EPN1: variants seen among roughly 807,000 people sequenced by gnomAD.
The protein encoded by EPN1 is epsin 1.
Under a neutral mutation model 56.9 loss-of-function variants are expected in EPN1, and 25 were observed. The observed-to-expected ratio is 0.44, with a 90% CI of 0.32 to 0.61. EPN1 has a LOEUF of 0.61. Ranked by LOEUF, EPN1 falls within the 20% of genes least tolerant of loss-of-function variation. The probability of loss-of-function intolerance (pLI) is 0.05; values close to 1 mark genes in which losing one functional copy is unlikely to be tolerated. For missense variants in EPN1, 785 were observed against 823.7 expected (o/e 0.95, Z 0.58); for synonymous variants, 411 against 361.8 (o/e 1.14, Z -1.54).
rs1175297532 is a variant in EPN1, at chr19:55,697,762, G to A, written c.*2406G>A. ...GAGCTGCTGTGTAGGAGTCCCCCAT[G>A]AGGCCCAAGCACCTGAGCTTAGTGA... On this transcript the variant is annotated 3_prime_UTR_variant, in exon 11 of 11. Coordinates refer to ENST00000270460, the MANE Select transcript of EPN1 (RefSeq NM_001130072.2). 1 of 152,152 alleles carries A rather than the reference G, an allele frequency of 6.6e-6. No homozygotes were observed. The highest frequency in any genetic ancestry group is 6.5e-5 in the Admixed American group (1 of 15,286). 9.4% of individuals were successfully genotyped at this position (152,152 alleles called of 1,614,324 possible).
At chr19:55,686,187 C>T (rs1986156368) in intron 3 of EPN1, among the ~76,000 whole-genome samples, 1 of 152,200 alleles carries the variant, frequency 6.6e-6, no homozygotes, top group Non-Finnish European at 1.5e-5. Flanking sequence ...GAAAACAAAA[C>T]TTGAAATAGT....
chr19:55,691,927 C>T lies in EPN1; in HGVS notation c.936C>T (p.Ala312=). ...CTGCTGATCCCTGGGGAGGTCCAGC[C>T]CCCACGCCGGCCTCTGGGGACCCCT... The part of the protein sequence containing the change: ...PPAADPWGGP[A]PTPASGDPWR... Residue 312 remains alanine (A), a synonymous_variant, in exon 7 of 11, where the codon GCC becomes GCT. Transcript: ENST00000270460. The surrounding 1 kb of genome is among the most constrained non-coding windows in gnomAD (Gnocchi z 5.6). 1 of 1,558,008 alleles carries T rather than the reference C, an allele frequency of 6.4e-7. No individual in the cohort carries two copies. The highest frequency in any genetic ancestry group is 8.7e-7 in the Non-Finnish European group (1 of 1,153,170).
intron 3 of EPN1, among the ~76,000 whole-genome samples, chr19:55,686,615 C>T (rs764665302): frequency 2.0e-5 from 3 of 152,028 alleles, no homozygotes; most frequent in Non-Finnish European, 4.4e-5. Context: ...CACGGGGAGA[C>T]ATGGGTGTGA....
At chr19:55,686,143 G>A (rs536434948) in intron 3 of EPN1, among the ~76,000 whole-genome samples, 1 of 152,360 alleles carries the variant, frequency 6.6e-6, no homozygotes, top group South Asian at 2.1e-4. Context: ...TTCTGGAGGT[G>A]GAGGACTCAG....
chr19:55,691,898 C>T lies in EPN1; in HGVS notation c.907C>T (p.Pro303Ser), dbSNP rs780630746. Residue 303 changes from proline to serine, a missense_variant, in exon 7 of 11, where the codon CCA becomes TCA. Transcript: ENST00000270460. This position sits in a 1 kb window ranked among gnomAD's most constrained non-coding sequence, Gnocchi z 5.6. The stretch of plus-strand genomic sequence containing the variant: ...CCCCTGGGGCGGCCCCCCTGTCCCT[C>T]CAGCTGCTGATCCCTGGGGAGGTCC... The part of the protein sequence containing the change: ...SDPWGGPPVP[P>S]AADPWGGPAP... The T allele has an allele frequency of 4.4e-6, 7 of 1,598,314 alleles. No individual in the cohort carries two copies. The highest frequency in any genetic ancestry group is 1.7e-5 in the Admixed American group (1 of 58,556).
rs1985587066 is a variant in EPN1, at chr19:55,678,513, T to A, written c.-101-14T>A. On this transcript the variant is annotated splice_polypyrimidine_tract_variant and intron_variant, in intron 1 of 10. Coordinates refer to ENST00000270460, the MANE Select transcript of EPN1 (RefSeq NM_001130072.2). ...GTCCCATTTGTGTTTCCAGAGGTCC[T>A]CTTCCCCTCGCAGATGCGGTGACCT... is the stretch of plus-strand genomic sequence containing the variant. 6.5e-7 allele frequency: 1 copy of A among 1,534,616 alleles called. No individual in the cohort carries two copies.
chr19:55,685,977 T>C (rs1322671917), intron 3 of EPN1, among the ~76,000 whole-genome samples: 1 of 152,166 alleles, frequency 6.6e-6, no homozygotes, highest in East Asian at 1.9e-4. Flanking sequence ...ACACGCACAG[T>C]GACCCCCGAG....
At chr19:55,676,450 A>G (rs764291520) in intron 1 of EPN1, among the ~76,000 whole-genome samples, 2 of 152,226 alleles carry the variant, frequency 1.3e-5, no homozygotes, top group African/African-American at 2.4e-5. Flanking sequence ...TGCACGCCAA[A>G]TAAGTACAGA....
rs7247619 is a variant in EPN1 at position 55,705,574 on chromosome 19, G to A, written c.*10218G>A. On this transcript the variant is annotated 3_prime_UTR_variant, in exon 11 of 11. Coordinates refer to ENST00000270460, the MANE Select transcript of EPN1 (RefSeq NM_001130072.2). ...TGAGATGGGAGAATCGTTTGAGCCC[G>A]GGAGGTGGAGGTTGCAGTGAGCCGA... is the stretch of plus-strand genomic sequence containing the variant. 24,844 of 152,026 alleles carry A rather than the reference G, an allele frequency of 0.16. 2,741 individuals carry two copies. The highest frequency in any genetic ancestry group is 0.31 in the African/African-American group (12,771 of 41,380). The allele number at this position is 152,026 out of a possible 1,614,324, so 9.4% of individuals were successfully genotyped here.
At chr19:55,682,725 A>G (rs1444979573) in intron 2 of EPN1, among the ~76,000 whole-genome samples, 2 of 151,492 alleles carry the variant, frequency 1.3e-5, no homozygotes, top group Non-Finnish European at 2.9e-5. Context: ...TTGCCACTGC[A>G]CCCGATTTTA....
Position 55,691,882 on chromosome 19 carries a change from C to T in EPN1, c.891C>T (p.Gly297=), listed in dbSNP as rs373763641. The T allele has an allele frequency of 9.8e-5, 157 of 1,600,364 alleles. 1 individual carries two copies. In the South Asian group the frequency reaches 1.3e-3, roughly 13 times the overall value. ...PTAAPTSDPW[G]GPPVPPAADP... ...CTGCCCCCACCTCGGACCCCTGGGG[C>T]GGCCCCCCTGTCCCTCCAGCTGCTG... Residue 297 remains glycine (G), a synonymous_variant, in exon 7 of 11, where the codon GGC becomes GGT. Transcript: ENST00000270460. This position sits in a 1 kb window ranked among gnomAD's most constrained non-coding sequence, Gnocchi z 5.6.
intron 7 of EPN1, 114 bp downstream of exon 7, chr19:55,692,171 C>A: frequency 9.6e-7 from 1 of 1,045,036 alleles, no homozygotes; most frequent in Non-Finnish European, 1.3e-6. Flanking sequence ...AGTGGTGGGG[C>A]GTCCTGGGTG....
chr19:55,695,269 C>T lies in EPN1; in HGVS notation c.1644C>T (p.Tyr548=), dbSNP rs1393520383. 3.7e-6 allele frequency: 6 copies of T among 1,606,910 alleles called. No homozygotes were observed. Among genetic ancestry groups the T allele is most frequent in the Non-Finnish European group, 5.1e-6 (6 of 1,177,900 alleles). The change falls in exon 11 of 11, where the codon TAC becomes TAT. Residue 548 remains tyrosine, a synonymous_variant. Coordinates refer to ENST00000270460, the MANE Select transcript of EPN1 (RefSeq NM_001130072.2). The surrounding 1 kb of genome is among the most constrained non-coding windows in gnomAD (Gnocchi z 4.4). ...CCGTCCCTGGAGCGCCACCCACGTACATCTCTCCCCTTGGCGGGGGCCCTG... is the reference window on the plus strand; with the variant it reads ...CCGTCCCTGGAGCGCCACCCACGTATATCTCTCCCCTTGGCGGGGGCCCTG... ...VPPVPGAPPT[Y]ISPLGGGPGL... is the part of the protein sequence containing the mutation.
intron 2 of EPN1, 71 bp from the exon 3 acceptor site, chr19:55,685,325 C>A: frequency 1.3e-6 from 2 of 1,542,708 alleles, no homozygotes; most frequent in Admixed American, 1.9e-5. Flanking sequence ...CCCCAGAGCC[C>A]GCGTCGCAGG....
Position 55,689,828 on chromosome 19 carries a change from C to A in EPN1, c.679-39C>A, listed in dbSNP as rs373584560. ...TGAGGTGGCATCTGCCCGTGGCTCA[C>A]GTTCTCATGTCTCCCTGGTCGTGCC... On this transcript the variant is annotated intron_variant, in intron 5 of 10. Transcript: ENST00000270460. This position sits in a 1 kb window ranked among gnomAD's most constrained non-coding sequence, Gnocchi z 5.7. 5.1e-6 allele frequency: 8 copies of A among 1,565,230 alleles called. No homozygotes were observed. The highest frequency in any genetic ancestry group is 6.9e-6 in the Non-Finnish European group (8 of 1,154,090).
At chr19:55,693,061 C>G (rs1417679655) in intron 9 of EPN1, 24 bp downstream of exon 9, 2 of 1,604,790 alleles carry the variant, frequency 1.2e-6, no homozygotes, top group African/African-American at 2.7e-5. Context: ...CTCCCCTGCC[C>G]AGTGGCGAGA....
At chr19:55,690,588 C>A (rs1464381189) in intron 6 of EPN1, among the ~76,000 whole-genome samples, 1 of 152,216 alleles carries the variant, frequency 6.6e-6, no homozygotes, top group Non-Finnish European at 1.5e-5. Context: ...GCCTCCTCCC[C>A]TGGCCTCTCC....
chr19:55,687,889 G>A (rs1466036518), intron 3 of EPN1, among the ~76,000 whole-genome samples: 2 of 152,216 alleles, frequency 1.3e-5, no homozygotes, highest in African/African-American at 2.4e-5. Flanking sequence ...AGGTGGGGCC[G>A]CCAGACAGCT....
rs1030826075 is a variant in EPN1 at position 55,700,953 on chromosome 19, C to CT, written c.*5599dup. 11 of 152,250 alleles carry CT rather than the reference C, an allele frequency of 7.2e-5. No homozygotes were observed. The highest frequency in any genetic ancestry group is 2.7e-4 in the African/African-American group (11 of 41,446). The allele number at this position is 152,250 out of a possible 1,614,324, so 9.4% of individuals were successfully genotyped here. Reference sequence around the variant, plus strand: ...TACATCCATCCGCAGGGGAGGCAAGCTTAGGGCATCACGTCCAGGAGTGGC... The same window carrying CT: ...TACATCCATCCGCAGGGGAGGCAAGCTTTAGGGCATCACGTCCAGGAGTGGC... On this transcript the variant is annotated 3_prime_UTR_variant, in exon 11 of 11. Transcript: ENST00000270460.
Sources: allele counts gnomAD v4.1 joint callset (sites outside exome capture counted in the v4.1 genomes callset), GRCh38; gene constraint gnomAD v4.1.1; non-coding constraint Gnocchi (gnomAD v3.1); transcripts MANE v1.5; gene names NCBI Gene and HGNC (gene_info 2026-07-23, HGNC 2026-07-21).